Variants in ZNF277 observed in about 807,000 individuals in gnomAD.
ZNF277 encodes nuclear receptor-interacting factor 4.
In ZNF277, 55 loss-of-function variants were observed where a neutral mutation model predicts 60.7. That is an observed-to-expected ratio of 0.91 (90% CI 0.73 to 1.13). The LOEUF (loss-of-function observed/expected upper bound fraction) is 1.13. Ranked by LOEUF, ZNF277 falls within the 50% of genes most tolerant of loss-of-function variation. The pLI is 0.00. For synonymous variants in ZNF277, 178 were observed against 179.3 expected, an observed-to-expected ratio of 0.99 and a Z score of 0.06; for missense variants, 510 against 523.0, an observed-to-expected ratio of 0.98 and a Z score of 0.24.
intron 4 of ZNF277, among the ~76,000 whole-genome samples, chr7:112,304,511 A>G (rs1018040028): frequency 2.6e-5 from 4 of 152,172 alleles, no homozygotes; most frequent in Non-Finnish European, 4.4e-5. Flanking sequence ...GAAGCTATAC[A>G]TCATTATCTG....
At chr7:112,231,456 A>T (rs967416319) in intron 1 of ZNF277, among the ~76,000 whole-genome samples, 1 of 152,094 alleles carries the variant, frequency 6.6e-6, no homozygotes, top group Non-Finnish European at 1.5e-5. Flanking sequence ...AATTTTGGAG[A>T]TACTTAGTCT....
intron 2 of ZNF277, among the ~76,000 whole-genome samples, chr7:112,290,650 AT>A (rs750172928): frequency 6.6e-6 from 1 of 152,170 alleles, no homozygotes; most frequent in Non-Finnish European, 1.5e-5. Context: ...AATGTGATTA[AT>A]TCTGATTGAT....
intron 6 of ZNF277, among the ~76,000 whole-genome samples, chr7:112,328,665 T>C (rs573667622): frequency 4.0e-4 from 61 of 152,074 alleles, no homozygotes; most frequent in African/African-American, 1.4e-3. Context: ...GAGCTCGGGA[T>C]TTTGAGACCA....
intron 4 of ZNF277, among the ~76,000 whole-genome samples, chr7:112,301,612 C>T (rs768817907): frequency 1.3e-5 from 2 of 152,148 alleles, no homozygotes; most frequent in Non-Finnish European, 2.9e-5. Context: ...TGGCAATCCC[C>T]ACCTGTATAG....
intron 1 of ZNF277, among the ~76,000 whole-genome samples, chr7:112,228,590 G>A (rs1021794324): frequency 8.7e-5 from 13 of 149,948 alleles, no homozygotes; most frequent in African/African-American, 3.2e-4. Context: ...AAGTCACCCC[G>A]GACGTTTTGA....
At chr7:112,274,437 A>C (rs1791747806) in intron 1 of ZNF277, among the ~76,000 whole-genome samples, 1 of 152,226 alleles carries the variant, frequency 6.6e-6, no homozygotes, top group African/African-American at 2.4e-5. Context: ...GATTAGAAGC[A>C]TGAGCCACAG....
intron 1 of ZNF277, among the ~76,000 whole-genome samples, chr7:112,246,300 G>A (rs569092122): frequency 4.1e-4 from 62 of 152,240 alleles, no homozygotes; most frequent in African/African-American, 1.5e-3. Flanking sequence ...AAGCTGAGGT[G>A]GGACAATCAT....
In ZNF277 at chr7:112,295,866, A is replaced by G; in HGVS notation, c.294-3A>G. The stretch of plus-strand genomic sequence containing the variant: ...ATCGTTCCTTATTTTATGTTGTTCT[A>G]AGGTACATTTTATATTGGAGGAAAA... On this transcript the variant is annotated splice_region_variant and splice_polypyrimidine_tract_variant and intron_variant, in intron 2 of 11. Transcript: ENST00000361822. The G allele has an allele frequency of 6.2e-7, 1 of 1,607,812 alleles. No homozygotes were observed. The highest frequency in any genetic ancestry group is 8.5e-7 in the Non-Finnish European group (1 of 1,174,904).
intron 1 of ZNF277, among the ~76,000 whole-genome samples, chr7:112,209,308 T>C (rs1821673678): frequency 2.0e-5 from 3 of 152,216 alleles, no homozygotes; most frequent in African/African-American, 7.2e-5. Context: ...TTTTGACAGA[T>C]GCCAGACTTT....
intron 1 of ZNF277, among the ~76,000 whole-genome samples, chr7:112,261,493 C>T (rs1361215093): frequency 6.6e-6 from 1 of 152,058 alleles, no homozygotes; most frequent in African/African-American, 2.4e-5. Context: ...CCTATATCGA[C>T]AATCATTTCT....
chr7:112,313,649 T>A (rs1464394279), intron 4 of ZNF277, among the ~76,000 whole-genome samples: 1 of 152,182 alleles, frequency 6.6e-6, no homozygotes, highest in Non-Finnish European at 1.5e-5. Flanking sequence ...TCAGGATTTT[T>A]AAAAATCATA....
At chr7:112,227,991 C>T (rs1417385808) in intron 1 of ZNF277, among the ~76,000 whole-genome samples, 1 of 151,984 alleles carries the variant, frequency 6.6e-6, no homozygotes, top group African/African-American at 2.4e-5. Context: ...AATTTATTCG[C>T]TCACAGTTTT....
chr7:112,283,942 C>T (rs1792005115), intron 1 of ZNF277, among the ~76,000 whole-genome samples: 1 of 152,138 alleles, frequency 6.6e-6, no homozygotes, highest in Admixed American at 6.5e-5. Context: ...TATAACTTCA[C>T]AGCACCAAAT....
intron 4 of ZNF277, among the ~76,000 whole-genome samples, chr7:112,309,381 T>C (rs760126671): frequency 5.3e-5 from 8 of 151,790 alleles, no homozygotes; most frequent in Non-Finnish European, 1.0e-4. Flanking sequence ...TGGAGACTGA[T>C]TGTTTAAGAC....
intron 1 of ZNF277, among the ~76,000 whole-genome samples, chr7:112,230,709 T>C (rs1339397910): frequency 6.6e-6 from 1 of 152,236 alleles, no homozygotes; most frequent in African/African-American, 2.4e-5. Context: ...CTTTTCTTAT[T>C]TCTAAGGAAT....
intron 1 of ZNF277, among the ~76,000 whole-genome samples, chr7:112,228,113 G>A (rs1288915255): frequency 6.6e-6 from 1 of 151,954 alleles, no homozygotes; most frequent in Non-Finnish European, 1.5e-5. Flanking sequence ...AAGTGGTCTT[G>A]GCTTCTGGCA....
At chr7:112,308,380 C>T (rs1792647868) in intron 4 of ZNF277, among the ~76,000 whole-genome samples, 1 of 151,866 alleles carries the variant, frequency 6.6e-6, no homozygotes. Context: ...AGCCAGGCGT[C>T]ATGGCACATG....
chr7:112,327,779 T>C lies in ZNF277; in HGVS notation c.620T>C (p.Ile207Thr), dbSNP rs1284138744. Reference protein sequence around the residue: ...HAFNIGLPDNIVNCNEFLCTL... With the variant: ...HAFNIGLPDNTVNCNEFLCTL... ...TTCAACATTGGATTGCCAGACAACA[T>C]TGTAAACTGCAATGAATTTTTGTGT... The change falls in exon 6 of 12, where the codon ATT becomes ACT. Residue 207 changes from isoleucine (I) to threonine (T), a missense_variant. Transcript: ENST00000361822. 4 of 1,612,198 alleles carry C rather than the reference T, an allele frequency of 2.5e-6. No homozygotes were observed. The highest frequency in any genetic ancestry group is 3.4e-5 in the Admixed American group (2 of 59,556).
At chr7:112,339,433 C>T (rs1207310548) in intron 9 of ZNF277, among the ~76,000 whole-genome samples, 1 of 152,194 alleles carries the variant, frequency 6.6e-6, no homozygotes. Flanking sequence ...ATTCTCGTGC[C>T]TCAGCCTTCT....
Sources: gnomAD v4.1 joint callset for allele counts (sites outside exome capture counted in the v4.1 genomes callset) on GRCh38, gnomAD v4.1.1 for gene constraint, MANE v1.5 for transcripts, NCBI Gene and HGNC (gene_info 2026-07-23, HGNC 2026-07-21) for gene names.